MYO16: variants seen among roughly 807,000 people sequenced by gnomAD.
The protein encoded by MYO16 is unconventional myosin-XVI.
Under a neutral mutation model 205.3 loss-of-function variants are expected in MYO16, and 94 were observed. That is an observed-to-expected ratio of 0.46 (90% CI 0.39 to 0.54). The LOEUF (loss-of-function observed/expected upper bound fraction) is 0.54. Among genes scored for constraint, MYO16 ranks in the 20% least tolerant of loss-of-function variants. MYO16 has a pLI of 0.00. For missense variants in MYO16, 2,315 were observed against 2,387.5 expected, an observed-to-expected ratio of 0.97 and a Z score of 0.63; for synonymous variants, 988 against 954.0, an observed-to-expected ratio of 1.04 and a Z score of -0.66.
At chr13:108,988,778 A>G (rs1884723791) in intron 20 of MYO16, among the ~76,000 whole-genome samples, 1 of 152,154 alleles carries the variant, frequency 6.6e-6, no homozygotes, top group South Asian at 2.1e-4. Flanking sequence ...GCCAAGGTCA[A>G]CTGGGAAGCA....
chr13:109,072,342 A>G (rs1396249562), intron 27 of MYO16, among the ~76,000 whole-genome samples: 1 of 152,202 alleles, frequency 6.6e-6, no homozygotes, highest in Non-Finnish European at 1.5e-5. Flanking sequence ...CCACTATCCC[A>G]TAATATCTTC....
intron 1 of MYO16, among the ~76,000 whole-genome samples, chr13:108,619,416 C>T (rs780339301): frequency 2.6e-5 from 4 of 152,166 alleles, no homozygotes; most frequent in Non-Finnish European, 5.9e-5. Context: ...TAAAATCTTA[C>T]TTCCGATCTG....
intron 23 of MYO16, among the ~76,000 whole-genome samples, chr13:109,042,294 G>A (rs1333067394): frequency 2.6e-5 from 4 of 152,216 alleles, no homozygotes; most frequent in African/African-American, 4.8e-5. Context: ...GTGCATGCTT[G>A]TGTGTGCATG....
intron 15 of MYO16, among the ~76,000 whole-genome samples, chr13:108,909,157 C>G (rs1275795739): frequency 6.6e-6 from 1 of 152,080 alleles, no homozygotes; most frequent in African/African-American, 2.4e-5. Context: ...TTCTGAATTG[C>G]TGATCTTCAT....
In MYO16 at chr13:109,125,562, G is replaced by C. The variant is rs796544998; in HGVS notation, c.3782+204G>C. On this transcript the variant is annotated intron_variant, in intron 30 of 34. Coordinates refer to ENST00000457511, the MANE Select transcript of MYO16 (RefSeq NM_001198950.3). The surrounding 1 kb of genome is among the most constrained non-coding windows in gnomAD (Gnocchi z 4.0). Reference sequence around the variant, plus strand: ...TTCTCACGAGTTCAAGGCTTTCTGTGTTCCTTCATTCATATGTGATGATGA... The same window carrying C: ...TTCTCACGAGTTCAAGGCTTTCTGTCTTCCTTCATTCATATGTGATGATGA... Among the ~76,000 whole-genome samples, 21 of 152,284 alleles carry C rather than the reference G, an allele frequency of 1.4e-4. No homozygotes were observed. The highest frequency in any genetic ancestry group is 4.8e-4 in the African/African-American group (20 of 41,560).
At chr13:108,927,780 C>G (rs142441827) in intron 16 of MYO16, among the ~76,000 whole-genome samples, 15 of 152,248 alleles carry the variant, frequency 9.9e-5, no homozygotes, top group Admixed American at 3.9e-4. Flanking sequence ...GACAGTTCCA[C>G]GAGGCAGGCG....
intron 1 of MYO16, among the ~76,000 whole-genome samples, chr13:108,635,317 C>T (rs1388458572): frequency 6.6e-6 from 1 of 152,124 alleles, no homozygotes; most frequent in African/African-American, 2.4e-5. Flanking sequence ...TCCTGTGGGG[C>T]TCTCCATTTT....
the MYO16 span, among the ~76,000 whole-genome samples, chr13:108,579,436 C>T: frequency 7.9e-6 from 1 of 126,018 alleles, no homozygotes; most frequent in African/African-American, 2.7e-5. Context: ...ATGCTAAAGG[C>T]AAGAATTTTT....
At chr13:108,957,933 A>C (rs1436597958) in intron 17 of MYO16, 134 bp downstream of exon 17, 1 of 677,190 alleles carries the variant, frequency 1.5e-6, no homozygotes, top group Non-Finnish European at 2.6e-6. Context: ...TTCGGCAGAC[A>C]ACAAGCCCCA....
At chr13:108,838,068 C>G (rs1036732726) in intron 9 of MYO16, among the ~76,000 whole-genome samples, 1 of 152,058 alleles carries the variant, frequency 6.6e-6, no homozygotes, top group Admixed American at 6.6e-5. Flanking sequence ...TAGATGTAGA[C>G]AGTGTGGCAC....
chr13:108,735,273 C>T (rs1884654481), intron 4 of MYO16, among the ~76,000 whole-genome samples: 1 of 149,116 alleles, frequency 6.7e-6, no homozygotes, highest in Non-Finnish European at 1.5e-5. Flanking sequence ...GCCCCCACCC[C>T]ACAACCGGCC....
At chr13:108,848,666 G>A (rs1026927018) in intron 10 of MYO16, among the ~76,000 whole-genome samples, 5 of 152,056 alleles carry the variant, frequency 3.3e-5, no homozygotes, top group African/African-American at 4.8e-5. Flanking sequence ...AGGGTTTGGT[G>A]GCGCAGGGCC....
chr13:108,736,792 A>G (rs1034266911), intron 4 of MYO16, among the ~76,000 whole-genome samples: 12 of 152,122 alleles, frequency 7.9e-5, no homozygotes, highest in African/African-American at 2.9e-4. Context: ...ATGTTCTTCC[A>G]TTTGTTTGTG....
chr13:108,788,354 T>C (rs1886518522), intron 5 of MYO16, among the ~76,000 whole-genome samples: 1 of 151,922 alleles, frequency 6.6e-6, no homozygotes, highest in African/African-American at 2.4e-5. Flanking sequence ...GGAGAGCTGA[T>C]GGAGCATTTG....
At chr13:108,999,860 C>T (rs1032942989) in intron 21 of MYO16, among the ~76,000 whole-genome samples, 1 of 152,120 alleles carries the variant, frequency 6.6e-6, no homozygotes, top group Admixed American at 6.5e-5. Context: ...CTAAACTTCA[C>T]TTGATGCCCC....
chr13:108,606,306 C>T (rs908423672), intron 1 of MYO16, among the ~76,000 whole-genome samples: 1 of 152,126 alleles, frequency 6.6e-6, no homozygotes, highest in African/African-American at 2.4e-5. Flanking sequence ...TGTCAGAGAC[C>T]TTCTCAGCCG....
intron 2 of MYO16, among the ~76,000 whole-genome samples, chr13:108,668,454 A>G (rs886877833): frequency 6.6e-6 from 1 of 152,246 alleles, no homozygotes; most frequent in African/African-American, 2.4e-5. Flanking sequence ...CACGAATTTA[A>G]TAGTGACAAA....
the MYO16 span, among the ~76,000 whole-genome samples, chr13:108,529,579 A>G: frequency 2.0e-5 from 3 of 152,218 alleles, no homozygotes; most frequent in Non-Finnish European, 4.4e-5. Flanking sequence ...AAACATAATC[A>G]GAGGCAGACT....
intron 4 of MYO16, among the ~76,000 whole-genome samples, chr13:108,770,185 A>T (rs1885915955): frequency 6.6e-6 from 1 of 152,192 alleles, no homozygotes; most frequent in African/African-American, 2.4e-5. Context: ...CACTCAATAA[A>T]TATTTTCAAT....
Sources: gnomAD v4.1 joint callset for allele counts (sites outside exome capture counted in the v4.1 genomes callset) on GRCh38, gnomAD v4.1.1 for gene constraint, Gnocchi (gnomAD v3.1) non-coding constraint, MANE v1.5 for transcripts, NCBI Gene and HGNC (gene_info 2026-07-23, HGNC 2026-07-21) for gene names.